UPK2: variants seen among roughly 807,000 people sequenced by gnomAD.
UPK2 encodes uroplakin-2.
Under a neutral mutation model 14.8 loss-of-function variants are expected in UPK2, and 19 were observed. That is an observed-to-expected ratio of 1.29 (90% CI 0.90 to 1.89). The LOEUF (loss-of-function observed/expected upper bound fraction) is 1.89, where lower values mean the gene tolerates loss of function less well. Among genes scored for constraint, UPK2 ranks in the 40% most tolerant of loss-of-function variants. UPK2 has a pLI of 0.00. For synonymous variants in UPK2, 102 were observed against 101.6 expected (o/e 1.00, Z -0.02); for missense variants, 232 against 236.0 (o/e 0.98, Z 0.11).
chr11:118,956,482 A>T lies in UPK2; in HGVS notation c.76+56A>T. ...GGGGCTGGGGGCCTGGACAGGGAGCACTGTACCTTCCAGGGCTCTCAAAGA... is the reference window on the plus strand; with the variant it reads ...GGGGCTGGGGGCCTGGACAGGGAGCTCTGTACCTTCCAGGGCTCTCAAAGA... On this transcript the variant is annotated intron_variant, in intron 1 of 4. Transcript: ENST00000264031. The surrounding 1 kb of genome is among the most constrained non-coding windows in gnomAD (Gnocchi z 4.1). 6.9e-7 allele frequency: 1 copy of T among 1,455,476 alleles called. No individual in the cohort carries two copies. Among genetic ancestry groups the T allele is most frequent in the Admixed American group, 1.8e-5 (1 of 57,012 alleles). 90.2% of individuals were successfully genotyped at this position (1,455,476 alleles called of 1,614,324 possible).
chr11:118,956,360 C>T lies in UPK2; in HGVS notation c.10C>T (p.Leu4=), dbSNP rs1468279807. MAP[L]LPIRTLPLIL... Reference sequence around the variant, plus strand: ...CACCTCCCAGCCCAGCATGGCACCCCTGCTGCCCATCCGGACCTTGCCCTT... The same window carrying T: ...CACCTCCCAGCCCAGCATGGCACCCTTGCTGCCCATCCGGACCTTGCCCTT... Residue 4 remains leucine (L), a synonymous_variant, in exon 1 of 5, where the codon CTG becomes TTG. Transcript: ENST00000264031. The surrounding 1 kb of genome is among the most constrained non-coding windows in gnomAD (Gnocchi z 4.1). 3 of 1,611,584 alleles carry T rather than the reference C, an allele frequency of 1.9e-6. No homozygotes were observed. The highest frequency in any genetic ancestry group is 2.2e-5 in the East Asian group (1 of 44,884).
At chr11:118,958,000 G>A (rs1215292607) in intron 4 of UPK2, 97 bp from the exon 5 acceptor site, 6 of 1,511,346 alleles carry the variant, frequency 4.0e-6, no homozygotes, top group Non-Finnish European at 5.3e-6. Context: ...TGGCTGGTTG[G>A]TTGGGCAGTC....
chr11:118,957,783 C>T (rs1941576632), intron 4 of UPK2, 115 bp downstream of exon 4: 3 of 1,175,082 alleles, frequency 2.6e-6, no homozygotes, highest in Non-Finnish European at 3.7e-6. Flanking sequence ...CCCTCGGGGC[C>T]CCTGCTTACC....
chr11:118,956,364 T>G lies in UPK2; in HGVS notation c.14T>G (p.Leu5Arg). Reference sequence around the variant, plus strand: ...TCCCAGCCCAGCATGGCACCCCTGCTGCCCATCCGGACCTTGCCCTTGATC... The same window carrying G: ...TCCCAGCCCAGCATGGCACCCCTGCGGCCCATCCGGACCTTGCCCTTGATC... MAPL[L>R]PIRTLPLILI... is the part of the protein sequence containing the mutation. Residue 5 changes from leucine to arginine, a missense_variant, in exon 1 of 5, where the codon CTG (leucine) becomes CGG (arginine). Coordinates refer to ENST00000264031, the MANE Select transcript of UPK2 (RefSeq NM_006760.4). This position sits in a 1 kb window ranked among gnomAD's most constrained non-coding sequence, Gnocchi z 4.1. The G allele has an allele frequency of 6.2e-7, 1 of 1,611,720 alleles. No individual in the cohort carries two copies. Among genetic ancestry groups the G allele is most frequent in the African/African-American group, 1.3e-5 (1 of 75,050 alleles).
At position 118,958,292 on chromosome 11, in the gene UPK2, A is replaced by G; in HGVS notation, c.*59A>G. 6.5e-7 allele frequency: 1 copy of G among 1,536,578 alleles called. No homozygotes were observed. The highest frequency in any genetic ancestry group is 8.7e-7 in the Non-Finnish European group (1 of 1,143,628). On this transcript the variant is annotated 3_prime_UTR_variant, in exon 5 of 5. Coordinates refer to ENST00000264031, the MANE Select transcript of UPK2 (RefSeq NM_006760.4). This position sits in a 1 kb window ranked among gnomAD's most constrained non-coding sequence, Gnocchi z 4.6. ...AGCCCAGGGCACCATCCAGCTCCCC[A>G]GCCCACCTGCTCCCAGGCCCCAGGC... is the stretch of plus-strand genomic sequence containing the variant.
At position 118,956,892 on chromosome 11, in the gene UPK2, T is replaced by C. The variant is rs779235512; in HGVS notation, c.86T>C (p.Ile29Thr). 1.2e-6 allele frequency: 2 copies of C among 1,613,908 alleles called. No homozygotes were observed. Among genetic ancestry groups the C allele is most frequent in the South Asian group, 2.2e-5 (2 of 91,078 alleles). The stretch of plus-strand genomic sequence containing the variant: ...TCCTGCCTCCCATCAGACTTCAACA[T>C]CTCAAGCCTCTCTGGTCTGCTGTCC... ...LLSPGAADFN[I>T]SSLSGLLSPA... is the part of the protein sequence containing the mutation. The change falls in exon 2 of 5, where the codon ATC becomes ACC. Residue 29 changes from isoleucine (I) to threonine (T), a missense_variant. Coordinates refer to ENST00000264031, the MANE Select transcript of UPK2 (RefSeq NM_006760.4). The surrounding 1 kb of genome is among the most constrained non-coding windows in gnomAD (Gnocchi z 4.1).
Position 118,956,462 on chromosome 11 carries a change from T to G in UPK2, c.76+36T>G. On this transcript the variant is annotated intron_variant, in intron 1 of 4. Transcript: ENST00000264031. This position sits in a 1 kb window ranked among gnomAD's most constrained non-coding sequence, Gnocchi z 4.1. ...TCTCTGGCAGGGGTGGGAAGGGGGC[T>G]GGGGGCCTGGACAGGGAGCACTGTA... is the stretch of plus-strand genomic sequence containing the variant. The G allele has an allele frequency of 1.9e-5, 26 of 1,341,598 alleles. No homozygotes were observed. Among genetic ancestry groups the G allele is most frequent in the Non-Finnish European group, 2.4e-5 (23 of 946,248 alleles). The allele number at this position is 1,341,598 out of a possible 1,614,324, so 83.1% of individuals were successfully genotyped here.
Position 118,958,015 on chromosome 11 carries a change from G to C in UPK2, c.419-82G>C. 1 of 1,528,882 alleles carries C rather than the reference G, an allele frequency of 6.5e-7. No individual in the cohort carries two copies. The allele number at this position is 1,528,882 out of a possible 1,614,324, so 94.7% of individuals were successfully genotyped here. ...TGGCTGGTTGGTTGGGCAGTCTGTT[G>C]GCTGGATGAGTGTGAGGCCGTGAGC... On this transcript the variant is annotated intron_variant, in intron 4 of 4. Coordinates refer to ENST00000264031, the MANE Select transcript of UPK2 (RefSeq NM_006760.4). The surrounding 1 kb of genome is among the most constrained non-coding windows in gnomAD (Gnocchi z 4.6).
intron 2 of UPK2, 58 bp downstream of exon 2, chr11:118,957,072 C>T: frequency 6.2e-7 from 1 of 1,608,622 alleles, no homozygotes; most frequent in Non-Finnish European, 8.5e-7. Flanking sequence ...TCCTGCGACA[C>T]CCTCTGCACC....
Position 118,958,391 on chromosome 11 carries a change from C to T in UPK2, c.*158C>T. On this transcript the variant is annotated 3_prime_UTR_variant, in exon 5 of 5. Coordinates refer to ENST00000264031, the MANE Select transcript of UPK2 (RefSeq NM_006760.4). The surrounding 1 kb of genome is among the most constrained non-coding windows in gnomAD (Gnocchi z 4.6). Reference sequence around the variant, plus strand: ...CTAGAGCCCTCTCCTCCCTCTGTCCCTCTCCTTGCCCCCAGTGCCTCACCT... The same window carrying T: ...CTAGAGCCCTCTCCTCCCTCTGTCCTTCTCCTTGCCCCCAGTGCCTCACCT... 1.3e-6 allele frequency: 1 copy of T among 786,280 alleles called. No homozygotes were observed. The highest frequency in any genetic ancestry group is 2.0e-6 in the Non-Finnish European group (1 of 512,104). 48.7% of individuals were successfully genotyped at this position (786,280 alleles called of 1,614,324 possible).
In UPK2 at chr11:118,956,772, TCTGCCCAGGGTTCA is replaced by T; in HGVS notation, c.77-109_77-96del. On this transcript the variant is annotated intron_variant, in intron 1 of 4. Transcript: ENST00000264031. This position sits in a 1 kb window ranked among gnomAD's most constrained non-coding sequence, Gnocchi z 4.1. ...GTCATACTGGCACAGGCCTGGCTGT[TCTGCCCAGGGTTCA>T]CAGAGTGGAAAGGGAGATGGCTCCA... The T allele has an allele frequency of 6.9e-7, 1 of 1,453,024 alleles. No individual in the cohort carries two copies. Among genetic ancestry groups the T allele is most frequent in the Non-Finnish European group, 9.4e-7 (1 of 1,063,748 alleles). The allele number at this position is 1,453,024 out of a possible 1,614,324, so 90.0% of individuals were successfully genotyped here.
Position 118,958,056 on chromosome 11 carries a change from G to A in UPK2, c.419-41G>A, listed in dbSNP as rs201799591. ...GGCCGTGAGCCTCAGGCAGGCTGGG[G>A]GTCTCTCCCGCCCACAGTGGTCTCC... On this transcript the variant is annotated intron_variant, in intron 4 of 4. Coordinates refer to ENST00000264031, the MANE Select transcript of UPK2 (RefSeq NM_006760.4). The surrounding 1 kb of genome is among the most constrained non-coding windows in gnomAD (Gnocchi z 4.6). 2.6e-4 allele frequency: 416 copies of A among 1,579,920 alleles called. No homozygotes were observed. The highest frequency in any genetic ancestry group is 3.4e-4 in the Non-Finnish European group (396 of 1,158,348).
At position 118,957,242 on chromosome 11, in the gene UPK2, T is replaced by C; in HGVS notation, c.243T>C (p.Arg81=). 6.2e-7 allele frequency: 1 copy of C among 1,614,040 alleles called. No individual in the cohort carries two copies. Among genetic ancestry groups the C allele is most frequent in the Non-Finnish European group, 8.5e-7 (1 of 1,180,026 alleles). Residue 81 remains arginine, a synonymous_variant, in exon 3 of 5, where the codon CGT becomes CGC. Transcript: ENST00000264031. ...VTSSFVVPPC[R]GRRELVSVVD... is the part of the protein sequence containing the mutation. Reference sequence around the variant, plus strand: ...CCAGCTTTGTGGTGCCTCCGTGCCGTGGGCGCAGGGAACTGGTGAGTGTGG... The same window carrying C: ...CCAGCTTTGTGGTGCCTCCGTGCCGCGGGCGCAGGGAACTGGTGAGTGTGG...
At position 118,956,935 on chromosome 11, in the gene UPK2, C is replaced by T; in HGVS notation, c.129C>T (p.Ser43=). The change falls in exon 2 of 5, where the codon AGC becomes AGT. Residue 43 remains serine, a synonymous_variant. Coordinates refer to ENST00000264031, the MANE Select transcript of UPK2 (RefSeq NM_006760.4). The surrounding 1 kb of genome is among the most constrained non-coding windows in gnomAD (Gnocchi z 4.1). ...TGCTGTCCCCGGCGCTAACGGAGAGCCTGCTGGTTGCCTTGCCCCCCTGTC... is the reference window on the plus strand; with the variant it reads ...TGCTGTCCCCGGCGCTAACGGAGAGTCTGCTGGTTGCCTTGCCCCCCTGTC... ...SGLLSPALTE[S]LLVALPPCHL... 2 of 1,614,104 alleles carry T rather than the reference C, an allele frequency of 1.2e-6. No individual in the cohort carries two copies. Among genetic ancestry groups the T allele is most frequent in the Non-Finnish European group, 1.7e-6 (2 of 1,180,006 alleles).
Position 118,958,471 on chromosome 11 carries a change from C to T in UPK2, c.*238C>T. ...CTCCTGTCAGAGTTGACTTTCCTCC[C>T]ATTTTACCACTTTAAACACCCCCAT... On this transcript the variant is annotated 3_prime_UTR_variant, in exon 5 of 5. Transcript: ENST00000264031. The surrounding 1 kb of genome is among the most constrained non-coding windows in gnomAD (Gnocchi z 4.6). 2.0e-6 allele frequency: 1 copy of T among 505,800 alleles called. No homozygotes were observed. The highest frequency in any genetic ancestry group is 3.5e-6 in the Non-Finnish European group (1 of 282,202). 31.3% of individuals were successfully genotyped at this position (505,800 alleles called of 1,614,324 possible).
chr11:118,958,321 T>TGGC lies in UPK2; in HGVS notation c.*89_*91dup, dbSNP rs1354584627. ...CACCTGCTCCCAGGCCCCAGGCCTGTGGCTCCCTTGGTGCCCTCGCCTCCT... is the reference window on the plus strand; with the variant it reads ...CACCTGCTCCCAGGCCCCAGGCCTGTGGCGGCTCCCTTGGTGCCCTCGCCTCCT... On this transcript the variant is annotated 3_prime_UTR_variant, in exon 5 of 5. Coordinates refer to ENST00000264031, the MANE Select transcript of UPK2 (RefSeq NM_006760.4). The surrounding 1 kb of genome is among the most constrained non-coding windows in gnomAD (Gnocchi z 4.6). 4.8e-6 allele frequency: 7 copies of TGGC among 1,448,262 alleles called. No individual in the cohort carries two copies. Among genetic ancestry groups the TGGC allele is most frequent in the Non-Finnish European group, 5.5e-6 (6 of 1,087,378 alleles). 89.7% of individuals were successfully genotyped at this position (1,448,262 alleles called of 1,614,324 possible).
At chr11:118,957,529 C>T in intron 3 of UPK2, 69 bp from the exon 4 acceptor site, 1 of 1,591,682 alleles carries the variant, frequency 6.3e-7, no homozygotes, top group Non-Finnish European at 8.6e-7. Flanking sequence ...GTGGCCCAGG[C>T]TGGAGCCCCT....
chr11:118,957,020 C>T lies in UPK2; in HGVS notation c.208+6C>T. On this transcript the variant is annotated splice_donor_region_variant and intron_variant, in intron 2 of 4. Coordinates refer to ENST00000264031, the MANE Select transcript of UPK2 (RefSeq NM_006760.4). ...GAGAGCCAATGACAGCAAAGGTCTG[C>T]TACCTTCTCCCAAGGCATCCCTCTA... 2 of 1,613,910 alleles carry T rather than the reference C, an allele frequency of 1.2e-6. No individual in the cohort carries two copies. The highest frequency in any genetic ancestry group is 1.7e-6 in the Non-Finnish European group (2 of 1,179,950).
chr11:118,957,054 A>G (rs1941568892), intron 2 of UPK2, 40 bp downstream of exon 2: 1 of 1,612,204 alleles, frequency 6.2e-7, no homozygotes, highest in East Asian at 2.2e-5. Context: ...TAGTCCCCAA[A>G]GACCCCTTCC....
Sources: allele counts gnomAD v4.1 joint callset, GRCh38; gene constraint gnomAD v4.1.1; non-coding constraint Gnocchi (gnomAD v3.1); transcripts MANE v1.5; gene names NCBI Gene and HGNC (gene_info 2026-07-23, HGNC 2026-07-21).